The following DMGDH variants were observed in gnomAD, a reference collection of about 807,000 sequenced individuals.
DMGDH encodes the protein dimethylglycine dehydrogenase, also known as dimethylglycine dehydrogenase, mitochondrial.
A neutral mutation model predicts 95.2 loss-of-function variants in DMGDH; 76 were observed. The observed-to-expected ratio is 0.80, with a 90% confidence interval of 0.66 to 0.97. The LOEUF (loss-of-function observed/expected upper bound fraction) is 0.97. DMGDH is among the 50% of genes least tolerant of loss of function. The pLI is 0.00. For missense variants in DMGDH, 987 were observed against 1,055.0 expected, an observed-to-expected ratio of 0.94 and a Z score of 0.89; for synonymous variants, 345 against 377.6, an observed-to-expected ratio of 0.91 and a Z score of 1.00.
intron 1 of DMGDH, among the ~76,000 whole-genome samples, chr5:79,065,604 A>G (rs1015143822): frequency 1.4e-4 from 22 of 152,160 alleles, no homozygotes; most frequent in Admixed American, 1.4e-3. Flanking sequence ...TTTTTATTTT[A>G]TAAGTAGGAG....
intron 2 of DMGDH, among the ~76,000 whole-genome samples, chr5:79,061,311 A>G (rs2112673842): frequency 6.6e-6 from 1 of 151,912 alleles, no homozygotes; most frequent in South Asian, 2.1e-4. Flanking sequence ...GCTCAGAGGG[A>G]GGCATCTTTG....
chr5:79,029,207 A>G (rs1754084117), intron 11 of DMGDH, among the ~76,000 whole-genome samples: 1 of 152,192 alleles, frequency 6.6e-6, no homozygotes, highest in Non-Finnish European at 1.5e-5. Context: ...GTCTATCACA[A>G]AATGTTCATC....
chr5:79,048,407 C>T (rs1754741789), intron 5 of DMGDH, among the ~76,000 whole-genome samples: 1 of 152,090 alleles, frequency 6.6e-6, no homozygotes, highest in African/African-American at 2.4e-5. Context: ...CCTGCAGACC[C>T]CAGCAGCCTT....
In DMGDH at chr5:78,998,152, T is replaced by C; in HGVS notation, c.2531A>G (p.Gln844Arg). 1 of 1,614,266 alleles carries C rather than the reference T, an allele frequency of 6.2e-7. No homozygotes were observed. Among genetic ancestry groups the C allele is most frequent in the South Asian group, 1.1e-5 (1 of 91,088 alleles). ...TGGTTCGGTCAATACCAAAGGTTCT[T>C]GTATGATGACTGCTGGGTAATTTTT... Reference protein sequence around the residue: ...LGKNYPAVIIQEPLVLTEPTR... With the variant: ...LGKNYPAVIIREPLVLTEPTR... The change falls in exon 16 of 16, where the codon CAA becomes CGA. Residue 844 changes from glutamine (Q) to arginine (R), a missense_variant. Coordinates refer to ENST00000255189, the MANE Select transcript of DMGDH (RefSeq NM_013391.3).
At chr5:79,031,033 C>A in intron 9 of DMGDH, 35 bp from the exon 10 acceptor site, 1 of 1,612,778 alleles carries the variant, frequency 6.2e-7, no homozygotes, top group South Asian at 1.1e-5. Flanking sequence ...AAAACAACTC[C>A]CGTTCATTTT....
chr5:79,020,374 A>G (rs1248829094), intron 14 of DMGDH, among the ~76,000 whole-genome samples: 2 of 152,196 alleles, frequency 1.3e-5, no homozygotes, highest in Non-Finnish European at 2.9e-5. Flanking sequence ...TTTACCTCAA[A>G]TTTCCCAAAG....
chr5:79,029,846 T>C, intron 11 of DMGDH, 58 bp downstream of exon 11: 1 of 1,564,492 alleles, frequency 6.4e-7, no homozygotes, highest in South Asian at 1.2e-5. Flanking sequence ...AAAAACTTAA[T>C]GTAAGATTGA....
chr5:79,005,536 A>G (rs370118223), intron 14 of DMGDH, 129 bp from the exon 15 acceptor site: 6 of 1,286,836 alleles, frequency 4.7e-6, no homozygotes, highest in African/African-American at 4.4e-5. Context: ...TACAGATCGG[A>G]TCATATGTCT....
At chr5:79,004,256 A>G (rs1025641060) in intron 15 of DMGDH, among the ~76,000 whole-genome samples, 7 of 152,246 alleles carry the variant, frequency 4.6e-5, no homozygotes, top group Non-Finnish European at 8.8e-5. Context: ...GTATACAGTA[A>G]GAACTCAGTA....
rs116060294 is a variant in DMGDH, at chr5:79,031,014, T to G, written c.1518-16A>C. 1.5e-3 allele frequency: 2,352 copies of G among 1,614,102 alleles called. 35 individuals carry two copies. In the African/African-American group the frequency reaches 0.028, roughly 19 times the overall value. ...AAAACTTGGCCTGAAACACAACATT[T>G]AGTGTCATAAAACAACTCCCGTTCA... On this transcript the variant is annotated splice_polypyrimidine_tract_variant and intron_variant, in intron 9 of 15. Coordinates refer to ENST00000255189, the MANE Select transcript of DMGDH (RefSeq NM_013391.3).
At chr5:79,053,322 T>C (rs932083549) in intron 4 of DMGDH, among the ~76,000 whole-genome samples, 19 of 151,890 alleles carry the variant, frequency 1.3e-4, no homozygotes, top group Admixed American at 1.1e-3. Context: ...CCACACTCAG[T>C]TAATTTTGTG....
chr5:79,066,294 A>AT (rs554884433), intron 1 of DMGDH, among the ~76,000 whole-genome samples: 4 of 148,326 alleles, frequency 2.7e-5, no homozygotes, highest in Admixed American at 1.3e-4. Flanking sequence ...ATTCTATTTT[A>AT]TTTTTTTTTT....
chr5:79,020,796 ATAT>A (rs1753846440), intron 14 of DMGDH: 4 of 985,182 alleles, frequency 4.1e-6, no homozygotes, highest in African/African-American at 1.7e-5. Flanking sequence ...AGGGAGAAAC[ATAT>A]TATAGAAAAC....
At chr5:79,006,913 A>G (rs2112600868) in intron 14 of DMGDH, among the ~76,000 whole-genome samples, 1 of 151,094 alleles carries the variant, frequency 6.6e-6, no homozygotes, top group East Asian at 1.9e-4. Flanking sequence ...TATGATTTCT[A>G]TGGATAATCC....
At chr5:79,037,021 A>ACACC (rs544849477) in intron 7 of DMGDH, among the ~76,000 whole-genome samples, 2 of 152,148 alleles carry the variant, frequency 1.3e-5, no homozygotes, top group East Asian at 3.9e-4. Flanking sequence ...CTCTCCACAC[A>ACACC]CACCCACCCA....
intron 7 of DMGDH, among the ~76,000 whole-genome samples, chr5:79,039,800 A>G (rs965744853): frequency 1.1e-4 from 16 of 152,152 alleles, no homozygotes; most frequent in African/African-American, 3.6e-4. Flanking sequence ...GAGTGCAGTC[A>G]CCAATAATGT....
chr5:79,034,743 A>G (rs1754288626), intron 7 of DMGDH, among the ~76,000 whole-genome samples: 1 of 152,212 alleles, frequency 6.6e-6, no homozygotes, highest in African/African-American at 2.4e-5. Flanking sequence ...TTTCATAAAA[A>G]TGAGTGCCTA....
intron 2 of DMGDH, among the ~76,000 whole-genome samples, chr5:79,057,670 G>A (rs1190069885): frequency 6.6e-6 from 1 of 152,148 alleles, no homozygotes; most frequent in South Asian, 2.1e-4. Context: ...GCTTTAACAT[G>A]TTGGTATCCA....
intron 14 of DMGDH, among the ~76,000 whole-genome samples, chr5:79,015,018 T>C (rs1753705134): frequency 6.6e-6 from 1 of 152,116 alleles, no homozygotes; most frequent in Non-Finnish European, 1.5e-5. Flanking sequence ...CCTGCCTCAA[T>C]GACCACCTAT....
Sources: gnomAD v4.1 joint callset for allele counts (sites outside exome capture counted in the v4.1 genomes callset) on GRCh38, gnomAD v4.1.1 for gene constraint, MANE v1.5 for transcripts, NCBI Gene and HGNC (gene_info 2026-07-23, HGNC 2026-07-21) for gene names.